The following STON1 variants were observed in gnomAD, a reference collection of about 807,000 sequenced individuals.
STON1 encodes stonin 1, also known as stonin-1.
Under a neutral mutation model 60.9 loss-of-function variants are expected in STON1, and 79 were observed. That is an observed-to-expected ratio of 1.30 (90% CI 1.08 to 1.56). The LOEUF (loss-of-function observed/expected upper bound fraction) is 1.56. Among genes scored for constraint, STON1 ranks in the 40% most tolerant of loss-of-function variants. STON1 has a pLI of 0.00. For missense variants in STON1, 1,166 were observed against 858.9 expected (o/e 1.36, Z -4.47); for synonymous variants, 363 against 306.9 (o/e 1.18, Z -1.91).
At chr2:48,558,787 A>G (rs951550501) in intron 1 of STON1, among the ~76,000 whole-genome samples, 1 of 152,130 alleles carries the variant, frequency 6.6e-6, no homozygotes, top group African/African-American at 2.4e-5. Context: ...TGCATTTGAT[A>G]CTGCTCATTC....
intron 1 of STON1, among the ~76,000 whole-genome samples, chr2:48,544,604 G>C (rs1317178317): frequency 6.6e-6 from 1 of 152,050 alleles, no homozygotes; most frequent in Admixed American, 6.6e-5. Flanking sequence ...GCAGTGAAAT[G>C]GCATGATCTT....
intron 1 of STON1, chr2:48,530,736 A>C (rs917636587): frequency 6.6e-6 from 1 of 152,290 alleles, no homozygotes; most frequent in Non-Finnish European, 1.5e-5. Context: ...CTGTGCCTGC[A>C]GCCCGGAGTC....
chr2:48,593,927 C>T (rs890558062), intron 3 of STON1, among the ~76,000 whole-genome samples: 2 of 152,140 alleles, frequency 1.3e-5, no homozygotes, highest in African/African-American at 2.4e-5. Flanking sequence ...TGGGAATTGC[C>T]GCCGCTGAAG....
chr2:48,555,545 G>A (rs1347848234), intron 1 of STON1, among the ~76,000 whole-genome samples: 5 of 67,022 alleles, frequency 7.5e-5, no homozygotes, highest in Admixed American at 2.6e-4. Context: ...GGCCGGGCGT[G>A]GGGCTGACAC....
chr2:48,549,245 A>G (rs1418396123), intron 1 of STON1, among the ~76,000 whole-genome samples: 1 of 152,146 alleles, frequency 6.6e-6, no homozygotes, highest in East Asian at 1.9e-4. Context: ...AGTGCTTCCT[A>G]TTTTTCAAAG....
intron 1 of STON1, among the ~76,000 whole-genome samples, chr2:48,537,899 A>C (rs1254326638): frequency 1.3e-5 from 2 of 151,398 alleles, no homozygotes; most frequent in Non-Finnish European, 2.9e-5. Flanking sequence ...TTGTTCTTAT[A>C]TTGTTTGGTA....
At chr2:48,534,199 TC>T (rs1409198532) in intron 1 of STON1, among the ~76,000 whole-genome samples, 2 of 152,276 alleles carry the variant, frequency 1.3e-5, no homozygotes, top group African/African-American at 4.8e-5. Flanking sequence ...TTTTAAATTT[TC>T]TTTGTACTTG....
At chr2:48,577,981 T>C (rs1673616520) in intron 1 of STON1, among the ~76,000 whole-genome samples, 1 of 151,816 alleles carries the variant, frequency 6.6e-6, no homozygotes, top group Non-Finnish European at 1.5e-5. Flanking sequence ...GTTTAAATCT[T>C]TTATCTATTT....
chr2:48,574,055 A>G lies in STON1; in HGVS notation c.-47-6532A>G, dbSNP rs185830804. Among the ~76,000 whole-genome samples the G allele has an allele frequency of 6.8e-3, 1,041 of 152,306 alleles. 8 individuals carry two copies. The highest frequency in any genetic ancestry group is 0.024 in the African/African-American group (1,010 of 41,574). On this transcript the variant is annotated intron_variant, in intron 1 of 3. Coordinates refer to ENST00000404752, the MANE Select transcript of STON1 (RefSeq NM_006873.4). ...GTGGAGTGACTACTAATAAGCATAC[A>G]GGGTTTATTATTGGGATGAAAAGAA... is the stretch of plus-strand genomic sequence containing the variant.
intron 1 of STON1, among the ~76,000 whole-genome samples, chr2:48,560,756 G>A (rs1234338632): frequency 6.6e-6 from 1 of 152,198 alleles, no homozygotes; most frequent in Non-Finnish European, 1.5e-5. Flanking sequence ...GGGCGAGAGG[G>A]TGGGGGTTAA....
intron 1 of STON1, among the ~76,000 whole-genome samples, chr2:48,564,483 C>CTTCT (rs1672791041): frequency 7.6e-5 from 2 of 26,396 alleles, no homozygotes; most frequent in Non-Finnish European, 1.6e-4. Context: ...CTTCTTCTTT[C>CTTCT]TTCTTCTTCT....
At chr2:48,556,219 T>C (rs1214281198) in intron 1 of STON1, among the ~76,000 whole-genome samples, 13 of 31,638 alleles carry the variant, frequency 4.1e-4, no homozygotes, top group Non-Finnish European at 4.9e-4. Context: ...GGCGGGGGGC[T>C]GACCCCCCCA....
At chr2:48,592,552 C>T (rs2204306) in intron 3 of STON1, among the ~76,000 whole-genome samples, 57,513 of 150,216 alleles carry the variant, frequency 0.38, 12,209 homozygotes, top group African/African-American at 0.58. Context: ...CTGCCTCAGC[C>T]TCTCAAGTAA....
Position 48,598,510 on chromosome 2 carries a change from A to G in STON1, c.*3208A>G, listed in dbSNP as rs547242423. 6.5e-6 allele frequency: 1 copy of G among 152,736 alleles called. No homozygotes were observed. The highest frequency in any genetic ancestry group is 1.5e-5 in the Non-Finnish European group (1 of 68,022). 9.5% of individuals were successfully genotyped at this position (152,736 alleles called of 1,614,324 possible). On this transcript the variant is annotated 3_prime_UTR_variant, in exon 4 of 4. Transcript: ENST00000404752. ...TTCAAAAATTAAAAATGTATTTCAAACTATTCTTACTGTGCTGTGAATTTA... is the reference window on the plus strand; with the variant it reads ...TTCAAAAATTAAAAATGTATTTCAAGCTATTCTTACTGTGCTGTGAATTTA...
In STON1 at chr2:48,537,379, A is replaced by T. The variant is rs1004476357; in HGVS notation, c.-48+7163A>T. 5.3e-5 allele frequency among the ~76,000 whole-genome samples: 8 copies of T among 152,296 alleles called. 1 individual carries two copies. The highest frequency in any genetic ancestry group is 1.2e-4 in the Non-Finnish European group (8 of 68,022). The stretch of plus-strand genomic sequence containing the variant: ...AATGTCTTTTTCATAACTATATGAG[A>T]TGATCATTTTTTCTTGATATTACAT... On this transcript the variant is annotated intron_variant, in intron 1 of 3. Coordinates refer to ENST00000404752, the MANE Select transcript of STON1 (RefSeq NM_006873.4).
rs745731216 is a variant in STON1, at chr2:48,581,801, C to T, written c.1168C>T (p.Leu390=). ...STSYHDFLDF[L]TTVEEELMKL... Reference sequence around the variant, plus strand: ...ATCGTACCATGACTTCCTTGACTTTCTGACTACTGTGGAGGAGGAGCTGAT... The same window carrying T: ...ATCGTACCATGACTTCCTTGACTTTTTGACTACTGTGGAGGAGGAGCTGAT... The change falls in exon 2 of 4, where the codon CTG becomes TTG. Residue 390 remains leucine (L), a synonymous_variant. Coordinates refer to ENST00000404752, the MANE Select transcript of STON1 (RefSeq NM_006873.4). 26 of 1,614,050 alleles carry T rather than the reference C, an allele frequency of 1.6e-5. No individual in the cohort carries two copies. In the East Asian group the frequency reaches 4.7e-4, roughly 29 times the overall value.
At chr2:48,542,006 A>G (rs1489866650) in intron 1 of STON1, among the ~76,000 whole-genome samples, 3 of 152,196 alleles carry the variant, frequency 2.0e-5, no homozygotes, top group Non-Finnish European at 4.4e-5. Flanking sequence ...ATGCTCAACT[A>G]GCATCTTAAC....
intron 1 of STON1, among the ~76,000 whole-genome samples, chr2:48,541,854 T>A (rs1000579236): frequency 5.3e-5 from 8 of 152,102 alleles, no homozygotes; most frequent in Non-Finnish European, 1.0e-4. Context: ...ACTGCCACCA[T>A]CTGGAACCCT....
In STON1 at chr2:48,581,597, A is replaced by G. The variant is rs369713988; in HGVS notation, c.964A>G (p.Ile322Val). ...GGGATTAGAAAAACCATTTAAAGAG[A>G]TACAGCTTGATCCATATTGTAGGCT... ...EQGLEKPFKE[I>V]QLDPYCRLSE... Residue 322 changes from isoleucine to valine, a missense_variant, in exon 2 of 4, where the codon ATA becomes GTA. Physicochemically the swap from Ile to Val is conservative, Grantham distance 29 (BLOSUM62 3). Coordinates refer to ENST00000404752, the MANE Select transcript of STON1 (RefSeq NM_006873.4). 1.2e-6 allele frequency: 2 copies of G among 1,614,212 alleles called. No homozygotes were observed. Among genetic ancestry groups the G allele is most frequent in the African/African-American group, 1.3e-5 (1 of 75,046 alleles).
Sources: allele counts gnomAD v4.1 joint callset (sites outside exome capture counted in the v4.1 genomes callset), GRCh38; gene constraint gnomAD v4.1.1; transcripts MANE v1.5; gene names NCBI Gene and HGNC (gene_info 2026-07-23, HGNC 2026-07-21).